Variants in BOD1L1 observed in about 807,000 individuals in gnomAD.
BOD1L1 encodes the protein biorientation of chromosomes in cell division 1 like 1, also known as biorientation of chromosomes in cell division protein 1-like 1.
A neutral mutation model predicts 240.7 loss-of-function variants in BOD1L1; 86 were observed. The ratio of observed to expected loss-of-function variants is 0.36; its 90% CI spans 0.30 to 0.43. The LOEUF (loss-of-function observed/expected upper bound fraction) is 0.43. Among genes scored for constraint, BOD1L1 ranks in the 20% least tolerant of loss-of-function variants. BOD1L1 has a pLI of 1.00. For missense variants in BOD1L1, 3,554 were observed against 3,643.5 expected, an observed-to-expected ratio of 0.98 and a Z score of 0.63; for synonymous variants, 1,268 against 1,272.3, an observed-to-expected ratio of 1.00 and a Z score of 0.07.
intron 10 of BOD1L1, 68 bp downstream of exon 10, chr4:13,598,878 C>G (rs1432200201): frequency 6.8e-7 from 1 of 1,463,956 alleles, no homozygotes; most frequent in Non-Finnish European, 9.2e-7. Flanking sequence ...GAAGACTGTC[C>G]TAAATGCACT....
intron 15 of BOD1L1, among the ~76,000 whole-genome samples, chr4:13,588,305 C>G (rs926382270): frequency 6.6e-6 from 1 of 152,084 alleles, no homozygotes; most frequent in Non-Finnish European, 1.5e-5. Flanking sequence ...ACAACACATG[C>G]TGTTTCTAGC....
At chr4:13,590,939 A>G (rs1714154497) in intron 13 of BOD1L1, among the ~76,000 whole-genome samples, 1 of 152,174 alleles carries the variant, frequency 6.6e-6, no homozygotes, top group Non-Finnish European at 1.5e-5. Flanking sequence ...AAGGACATTT[A>G]TGCTCGACTG....
intron 5 of BOD1L1, among the ~76,000 whole-genome samples, chr4:13,612,872 G>T (rs1276483838): frequency 1.3e-5 from 2 of 152,130 alleles, no homozygotes; most frequent in African/African-American, 4.8e-5. Context: ...CTAGAGCCTC[G>T]GTTAAGAACT....
Position 13,604,033 on chromosome 4 carries a change from C to A in BOD1L1, c.2867G>T (p.Arg956Leu), listed in dbSNP as rs754427284. ...AGGTTTGTCTTCAACTTTAGACTTA[C>A]GCTGTTTTTCTGAGTCATTTTCTTC... ...NTEENDSEKQ[R>L]KSKVEDKPFE... The change falls in exon 10 of 26, where the codon CGT (arginine) becomes CTT (leucine). Residue 956 changes from arginine to leucine, a missense_variant. Arg to Leu is a moderately radical substitution (Grantham distance 102). Around this residue, in one of 2 missense-constraint regions of BOD1L1, gnomAD observed 3,393 missense variants for 3,427.1 expected, o/e 0.99. Coordinates refer to ENST00000040738, the MANE Select transcript of BOD1L1 (RefSeq NM_148894.3). The A allele has an allele frequency of 8.7e-6, 14 of 1,613,764 alleles. No individual in the cohort carries two copies. Among genetic ancestry groups the A allele is most frequent in the Non-Finnish European group, 1.2e-5 (14 of 1,179,860 alleles).
At chr4:13,589,547 C>A (rs544705974) in intron 14 of BOD1L1, among the ~76,000 whole-genome samples, 2 of 152,208 alleles carry the variant, frequency 1.3e-5, no homozygotes, top group Admixed American at 1.3e-4. Context: ...TAACGTGAGA[C>A]CACATATTTA....
At chr4:13,591,372 G>C (rs911507847) in intron 13 of BOD1L1, among the ~76,000 whole-genome samples, 2 of 152,134 alleles carry the variant, frequency 1.3e-5, no homozygotes, top group Non-Finnish European at 2.9e-5. Context: ...TCCTCTAGGA[G>C]CATTGGAAAG....
At chr4:13,597,226 G>T (rs1714700697) in intron 10 of BOD1L1, 58 bp from the exon 11 acceptor site, 2 of 1,315,842 alleles carry the variant, frequency 1.5e-6, no homozygotes, top group Admixed American at 4.0e-5. Context: ...AATACATCTG[G>T]GGTCAAAAAG....
Position 13,615,408 on chromosome 4 carries a change from C to T in BOD1L1, c.463G>A (p.Val155Met), listed in dbSNP as rs1187430532. The T allele has an allele frequency of 6.2e-7, 1 of 1,613,740 alleles. No homozygotes were observed. The highest frequency in any genetic ancestry group is 8.5e-7 in the Non-Finnish European group (1 of 1,179,808). The change falls in exon 3 of 26, where the codon GTG (valine) becomes ATG (methionine). Residue 155 changes from valine (V) to methionine (M), a missense_variant. Coordinates refer to ENST00000040738, the MANE Select transcript of BOD1L1 (RefSeq NM_148894.3). ...TTTAGCGTGGCCAAAAACTCATGCA[C>T]AGCTTTCTCTACCTGAGGTCTGAAT... is the stretch of plus-strand genomic sequence containing the variant. ...HTFRPQVEKA[V>M]HEFLATLNHK...
In BOD1L1 at chr4:13,611,014, C is replaced by G; in HGVS notation, c.1411G>C (p.Val471Leu). ...GKTKSVRHAY[V>L]HKPYLYSKYY... ...TTTGAGTAAAGATATGGTTTGTGGACATACGCATGCCGTACACTTTTTGTT... is the reference window on the plus strand; with the variant it reads ...TTTGAGTAAAGATATGGTTTGTGGAGATACGCATGCCGTACACTTTTTGTT... The change falls in exon 6 of 26, where the codon GTC becomes CTC. Residue 471 changes from valine (V) to leucine (L), a missense_variant. Physicochemically the swap from Val to Leu is conservative, Grantham distance 32. Transcript: ENST00000040738. 2 of 1,612,216 alleles carry G rather than the reference C, an allele frequency of 1.2e-6. No homozygotes were observed. Among genetic ancestry groups the G allele is most frequent in the Non-Finnish European group, 1.7e-6 (2 of 1,178,612 alleles).
At chr4:13,593,977 C>G (rs890464501) in intron 12 of BOD1L1, among the ~76,000 whole-genome samples, 61 of 152,230 alleles carry the variant, frequency 4.0e-4, no homozygotes, top group African/African-American at 1.5e-3. Flanking sequence ...CAGAATAAGT[C>G]TCAGGTTTTT....
At position 13,590,381 on chromosome 4, in the gene BOD1L1, C is replaced by CT; in HGVS notation, c.8209+4dup. On this transcript the variant is annotated splice_donor_region_variant and intron_variant, in intron 14 of 25. Coordinates refer to ENST00000040738, the MANE Select transcript of BOD1L1 (RefSeq NM_148894.3). ...AAACTATAACTATGAAATTCATTAACTTACCTCCTTTGTTATAAGATTCGC... is the reference window on the plus strand; with the variant it reads ...AAACTATAACTATGAAATTCATTAACTTTACCTCCTTTGTTATAAGATTCGC... The CT allele has an allele frequency of 6.8e-7, 1 of 1,465,912 alleles. No homozygotes were observed. Among genetic ancestry groups the CT allele is most frequent in the Non-Finnish European group, 9.3e-7 (1 of 1,069,652 alleles). 90.8% of individuals were successfully genotyped at this position (1,465,912 alleles called of 1,614,324 possible). A position where few individuals can be genotyped will look rare whatever the true frequency, so the allele number is the denominator to read the frequency against.
chr4:13,616,573 G>A (rs750747485), intron 2 of BOD1L1, among the ~76,000 whole-genome samples: 12 of 152,230 alleles, frequency 7.9e-5, no homozygotes, highest in African/African-American at 2.7e-4. Flanking sequence ...AAGGTAGTCA[G>A]GATAGTGCTG....
At chr4:13,612,355 AG>A in intron 5 of BOD1L1, among the ~76,000 whole-genome samples, 1 of 152,332 alleles carries the variant, frequency 6.6e-6, no homozygotes, top group South Asian at 2.1e-4. Context: ...CTAAACTAAT[AG>A]TCCTAAACAG....
At chr4:13,589,092 C>T (rs550026648) in intron 14 of BOD1L1, among the ~76,000 whole-genome samples, 2 of 152,184 alleles carry the variant, frequency 1.3e-5, no homozygotes, top group South Asian at 2.1e-4. Context: ...CAAGGCCCTT[C>T]CCCCCAGTTT....
intron 17 of BOD1L1, among the ~76,000 whole-genome samples, chr4:13,583,843 A>G (rs1713429309): frequency 6.6e-6 from 1 of 152,146 alleles, no homozygotes. Flanking sequence ...AGGTAAACAA[A>G]CTCTGCAAAT....
intron 22 of BOD1L1, 103 bp from the exon 23 acceptor site, chr4:13,577,734 GTTAT>G: frequency 6.2e-6 from 5 of 800,732 alleles, no homozygotes; most frequent in Non-Finnish European, 1.0e-5. Flanking sequence ...TTAATACATT[GTTAT>G]ACATTTCATC....
chr4:13,609,460 A>T (rs1356563122), intron 6 of BOD1L1, 54 bp from the exon 7 acceptor site: 2 of 1,167,882 alleles, frequency 1.7e-6, no homozygotes, highest in East Asian at 5.7e-5. Flanking sequence ...AAACACACTG[A>T]AAAATTGTAT....
In BOD1L1 at chr4:13,601,848, A is replaced by G. The variant is rs916973940; in HGVS notation, c.5052T>C (p.Val1684=). ...VEGTITFISE[V]ESDGAVTSAG... ...CACTTGTAACTGCTCCATCACTTTC[A>G]ACTTCACTAATAAAAGTAATAGTTC... Residue 1684 remains valine, a synonymous_variant, in exon 10 of 26, where the codon GTT becomes GTC. Coordinates refer to ENST00000040738, the MANE Select transcript of BOD1L1 (RefSeq NM_148894.3). 2 of 1,613,900 alleles carry G rather than the reference A, an allele frequency of 1.2e-6. No homozygotes were observed. The highest frequency in any genetic ancestry group is 1.7e-5 in the Admixed American group (1 of 60,010).
At chr4:13,574,674 C>T (rs1476071189) in intron 25 of BOD1L1, among the ~76,000 whole-genome samples, 2 of 152,068 alleles carry the variant, frequency 1.3e-5, no homozygotes, top group Non-Finnish European at 2.9e-5. Flanking sequence ...GGGTGTTGGG[C>T]TCCAGCACCC....
Sources: allele counts gnomAD v4.1 joint callset (sites outside exome capture counted in the v4.1 genomes callset), GRCh38; gene constraint gnomAD v4.1.1; regional missense constraint gnomAD v4.1.1; transcripts MANE v1.5; gene names NCBI Gene and HGNC (gene_info 2026-07-23, HGNC 2026-07-21).